Variants in DNAJC13 observed in about 807,000 individuals in gnomAD.
The protein encoded by DNAJC13 is dnaJ homolog subfamily C member 13.
DNAJC13 carries 75 observed loss-of-function variants against 290.5 expected under a neutral mutation model. The observed-to-expected ratio is 0.26, with a 90% CI of 0.21 to 0.31. The LOEUF (loss-of-function observed/expected upper bound fraction) is 0.31, where lower values mean the gene tolerates loss of function less well. DNAJC13 is among the 10% of genes least tolerant of loss of function. The probability of loss-of-function intolerance (pLI) is 1.00; values close to 1 mark genes in which losing one functional copy is unlikely to be tolerated. For synonymous variants in DNAJC13, 862 were observed against 892.0 expected (o/e 0.97, Z 0.60); for missense variants, 2,260 against 2,674.5 (o/e 0.85, Z 3.42).
intron 24 of DNAJC13, 79 bp downstream of exon 24, chr3:132,478,219 T>C: frequency 7.9e-7 from 1 of 1,267,326 alleles, no homozygotes; most frequent in Non-Finnish European, 1.1e-6. Context: ...TAAATTTAAA[T>C]TCTGTTTGAT....
chr3:132,484,590 A>T lies in DNAJC13; in HGVS notation c.3185A>T (p.Asp1062Val), dbSNP rs761270302. ...TGACGTGAGAAAATGTTTTCTAGGG[A>T]TCAAGACAATGCCATCATTCGGCCT... ...ITMCGYFPSR[D>V]QDNAIIRPLP... Residue 1062 changes from aspartate (D) to valine (V), a missense_variant and splice_region_variant, in exon 29 of 56, where the codon GAT (aspartate) becomes GTT (valine). Physicochemically the swap from Asp to Val is radical, Grantham distance 152. Transcript: ENST00000260818. 1 of 1,613,960 alleles carries T rather than the reference A, an allele frequency of 6.2e-7. No homozygotes were observed. The highest frequency in any genetic ancestry group is 2.2e-5 in the East Asian group (1 of 44,868).
intron 51 of DNAJC13, 155 bp downstream of exon 51, chr3:132,523,868 A>AT (rs1317356078): frequency 2.8e-6 from 2 of 712,376 alleles, no homozygotes; most frequent in South Asian, 2.4e-5. Flanking sequence ...CCCCTCGATC[A>AT]TTTTTTTGCC....
At position 132,456,443 on chromosome 3, in the gene DNAJC13, CTTAAT is replaced by C. The variant is rs745876355; in HGVS notation, c.1099+47_1100-49del. On this transcript the variant is annotated intron_variant, in intron 10 of 55. Transcript: ENST00000260818. Reference sequence around the variant, plus strand: ...ATGTAATTACATTTCCACTCATCTACTTAATTTAAGAATTAGGAATTCGTATCTTC... The same window carrying C: ...ATGTAATTACATTTCCACTCATCTACTTAAGAATTAGGAATTCGTATCTTC... 197 of 1,609,470 alleles carry C rather than the reference CTTAAT, an allele frequency of 1.2e-4. No individual in the cohort carries two copies. In the African/African-American group the frequency reaches 2.2e-3, roughly 18 times the overall value.
intron 1 of DNAJC13, among the ~76,000 whole-genome samples, chr3:132,431,543 T>C (rs1423299091): frequency 6.6e-6 from 1 of 152,106 alleles, no homozygotes; most frequent in East Asian, 1.9e-4. Context: ...ACAAAGGCTC[T>C]CGATAATTGG....
At chr3:132,459,015 G>C (rs1289222129) in intron 13 of DNAJC13, among the ~76,000 whole-genome samples, 1 of 151,704 alleles carries the variant, frequency 6.6e-6, no homozygotes, top group African/African-American at 2.4e-5. Context: ...AATAAATAAT[G>C]ATTAATTTTT....
Position 132,446,487 on chromosome 3 carries a change from C to T in DNAJC13, c.81C>T (p.Val27=). ...KHSWRGKYKR[V]FSVGTHAITT... is the part of the protein sequence containing the mutation. ...TTTTCCTTTGTAGGTATAAGCGTGT[C>T]TTTTCAGTTGGAACTCATGCGATTA... Residue 27 remains valine, a synonymous_variant, in exon 3 of 56, where the codon GTC becomes GTT. Transcript: ENST00000260818. The T allele has an allele frequency of 6.2e-7, 1 of 1,606,222 alleles. No homozygotes were observed. Among genetic ancestry groups the T allele is most frequent in the Non-Finnish European group, 8.5e-7 (1 of 1,177,428 alleles).
intron 5 of DNAJC13, among the ~76,000 whole-genome samples, chr3:132,448,729 T>G (rs1933329173): frequency 6.6e-6 from 1 of 152,124 alleles, no homozygotes; most frequent in African/African-American, 2.4e-5. Context: ...ATAGAATATT[T>G]CTATGAATAT....
chr3:132,484,583 T>C lies in DNAJC13; in HGVS notation c.3183-5T>C, dbSNP rs1350648563. 1.2e-6 allele frequency: 2 copies of C among 1,613,680 alleles called. No homozygotes were observed. The highest frequency in any genetic ancestry group is 3.3e-5 in the Admixed American group (2 of 60,020). Reference sequence around the variant, plus strand: ...TAAATGTTGACGTGAGAAAATGTTTTCTAGGGATCAAGACAATGCCATCAT... The same window carrying C: ...TAAATGTTGACGTGAGAAAATGTTTCCTAGGGATCAAGACAATGCCATCAT... On this transcript the variant is annotated splice_region_variant and splice_polypyrimidine_tract_variant and intron_variant, in intron 28 of 55. Coordinates refer to ENST00000260818, the MANE Select transcript of DNAJC13 (RefSeq NM_015268.4).
rs747785821 is a variant in DNAJC13 at position 132,454,077 on chromosome 3, G to C, written c.852G>C (p.Leu284Phe). The C allele has an allele frequency of 1.9e-6, 3 of 1,601,758 alleles. No individual in the cohort carries two copies. Among genetic ancestry groups the C allele is most frequent in the African/African-American group, 2.7e-5 (2 of 73,760 alleles). The change falls in exon 9 of 56, where the codon TTG becomes TTC. Residue 284 changes from leucine (L) to phenylalanine (F), a missense_variant. Leu to Phe is a conservative substitution (Grantham distance 22). Transcript: ENST00000260818. ...TGTTTTTTCATTAGGTATTTGCGTT[G>C]GTCTGTGACTCAGAAAATCCACAAC... ...TLKPLGEVFA[L>F]VCDSENPQLF...
chr3:132,427,749 C>T (rs974689021), intron 1 of DNAJC13, among the ~76,000 whole-genome samples: 2 of 152,122 alleles, frequency 1.3e-5, no homozygotes, highest in Non-Finnish European at 2.9e-5. Flanking sequence ...GGTACAAGAG[C>T]TGGTAAGTTC....
chr3:132,472,593 G>A (rs73215995), intron 20 of DNAJC13: 16 of 985,120 alleles, frequency 1.6e-5, no homozygotes, highest in Admixed American at 6.1e-5. Flanking sequence ...TTCCTGCTAC[G>A]TGTGTGAAAT....
chr3:132,448,817 A>C (rs961936082), intron 5 of DNAJC13, among the ~76,000 whole-genome samples: 1 of 152,142 alleles, frequency 6.6e-6, no homozygotes, highest in African/African-American at 2.4e-5. Flanking sequence ...GCAGCGTTTA[A>C]AAATAGTTTA....
chr3:132,458,726 A>G (rs1415070460), intron 13 of DNAJC13, among the ~76,000 whole-genome samples: 1 of 152,178 alleles, frequency 6.6e-6, no homozygotes, highest in East Asian at 1.9e-4. Context: ...TTTTAAATGA[A>G]GCTTACCAAA....
At chr3:132,442,886 ATG>A in intron 2 of DNAJC13, among the ~76,000 whole-genome samples, 1 of 152,224 alleles carries the variant, frequency 6.6e-6, no homozygotes. Flanking sequence ...ATGTTATACT[ATG>A]AATTTAAAAA....
At chr3:132,530,073 T>C (rs1336829528) in intron 54 of DNAJC13, among the ~76,000 whole-genome samples, 1 of 152,110 alleles carries the variant, frequency 6.6e-6, no homozygotes, top group African/African-American at 2.4e-5. Flanking sequence ...GGTATAGTAG[T>C]TTCTAAATAG....
intron 1 of DNAJC13, among the ~76,000 whole-genome samples, chr3:132,423,053 C>T (rs1357360864): frequency 7.9e-5 from 12 of 152,170 alleles, no homozygotes. Context: ...CACGTGTAAT[C>T]CCAGCACTTG....
intron 38 of DNAJC13, among the ~76,000 whole-genome samples, chr3:132,500,467 A>T (rs528873135): frequency 1.3e-5 from 2 of 152,200 alleles, no homozygotes; most frequent in African/African-American, 4.8e-5. Context: ...TTCAGGCTTC[A>T]TACAGTCTCT....
intron 1 of DNAJC13, among the ~76,000 whole-genome samples, chr3:132,431,524 A>G (rs1473554497): frequency 6.6e-6 from 1 of 152,158 alleles, no homozygotes; most frequent in Non-Finnish European, 1.5e-5. Flanking sequence ...TGAGCGTTCT[A>G]TGTATAGTAC....
intron 42 of DNAJC13, among the ~76,000 whole-genome samples, chr3:132,506,311 C>G (rs1014309321): frequency 6.6e-6 from 1 of 151,702 alleles, no homozygotes; most frequent in African/African-American, 2.4e-5. Flanking sequence ...CTCAGCCTCC[C>G]ACAGTTCTGG....
Sources: allele counts gnomAD v4.1 joint callset (sites outside exome capture counted in the v4.1 genomes callset), GRCh38; gene constraint gnomAD v4.1.1; transcripts MANE v1.5; gene names NCBI Gene and HGNC (gene_info 2026-07-23, HGNC 2026-07-21).